SOX5: variants seen among roughly 807,000 people sequenced by gnomAD.
The protein encoded by SOX5 is transcription factor SOX-5.
In SOX5, 9 loss-of-function variants were observed where a neutral mutation model predicts 92.0. The ratio of observed to expected loss-of-function variants is 0.10; its 90% CI spans 0.06 to 0.17. The LOEUF is 0.17. SOX5 is among the 10% of genes least tolerant of loss of function. The pLI is 1.00. For synonymous variants in SOX5, 344 were observed against 336.3 expected (o/e 1.02, Z -0.25); for missense variants, 642 against 944.5 (o/e 0.68, Z 4.20).
chr12:24,141,710 T>C (rs1354611761), intron 4 of SOX5, among the ~76,000 whole-genome samples: 2 of 127,410 alleles, frequency 1.6e-5, no homozygotes, highest in African/African-American at 2.5e-5. Flanking sequence ...TGGTTTATTA[T>C]TTATACAAGT....
rs1027722878 is a variant in SOX5, at chr12:24,430,408, TAAG to T, written c.-250-61772_-250-61770del. 5.3e-5 allele frequency among the ~76,000 whole-genome samples: 8 copies of T among 152,116 alleles called. 1 individual carries two copies. The highest frequency in any genetic ancestry group is 1.9e-4 in the African/African-American group (8 of 41,538). On this transcript the variant is annotated intron_variant, in intron 1 of 4. Transcript: ENST00000446891. Reference sequence around the variant, plus strand: ...AATTTAACCATGACAAAATTATATTTAAGAAGATTCTAAATGTATATTTATGAT... The same window carrying T: ...AATTTAACCATGACAAAATTATATTTAAGATTCTAAATGTATATTTATGAT...
intron 7 of SOX5, among the ~76,000 whole-genome samples, chr12:23,642,863 G>A (rs1225633861): frequency 9.0e-6 from 1 of 111,332 alleles, no homozygotes; most frequent in African/African-American, 2.7e-5. Context: ...CGAGGCGGGC[G>A]GATCACGAGG....
intron 4 of SOX5, among the ~76,000 whole-genome samples, chr12:24,076,362 C>T (rs988142511): frequency 1.3e-5 from 2 of 152,138 alleles, no homozygotes; most frequent in Non-Finnish European, 2.9e-5. Flanking sequence ...TACTTACTCT[C>T]TATTATCTAT....
intron 3 of SOX5, among the ~76,000 whole-genome samples, chr12:24,228,857 T>C (rs1962703991): frequency 1.3e-5 from 2 of 152,214 alleles, no homozygotes; most frequent in African/African-American, 2.4e-5. Flanking sequence ...ACCAGCTTAT[T>C]TGGTGCCTCT....
At chr12:24,211,029 T>C (rs1049203880) in intron 4 of SOX5, among the ~76,000 whole-genome samples, 1 of 152,198 alleles carries the variant, frequency 6.6e-6, no homozygotes, top group African/African-American at 2.4e-5. Context: ...TACCAGGCTG[T>C]AAATGATGAA....
intron 4 of SOX5, among the ~76,000 whole-genome samples, chr12:24,015,642 T>C (rs1953503733): frequency 6.6e-6 from 1 of 152,166 alleles, no homozygotes; most frequent in South Asian, 2.1e-4. Flanking sequence ...CGGGAGCCAA[T>C]GCCAGTGGGG....
intron 1 of SOX5, among the ~76,000 whole-genome samples, chr12:24,509,142 T>C (rs74554265): frequency 0.016 from 2,410 of 152,326 alleles, 32 homozygotes; most frequent in Middle Eastern, 0.034. Context: ...GAGCATGTCA[T>C]TTAACCTTTC....
At chr12:23,975,934 T>C (rs898645858) in intron 4 of SOX5, among the ~76,000 whole-genome samples, 9 of 152,318 alleles carry the variant, frequency 5.9e-5, no homozygotes, top group African/African-American at 2.2e-4. Flanking sequence ...ATAATTAGTA[T>C]ATTTCTTCTA....
intron 1 of SOX5, among the ~76,000 whole-genome samples, chr12:24,519,948 A>G (rs1950122412): frequency 6.6e-6 from 1 of 152,198 alleles, no homozygotes; most frequent in Admixed American, 6.5e-5. Context: ...GACTTGTCAC[A>G]TATAAGGGGC....
intron 3 of SOX5, among the ~76,000 whole-genome samples, chr12:23,843,487 A>C (rs1017106680): frequency 1.3e-5 from 2 of 151,916 alleles, no homozygotes; most frequent in African/African-American, 4.8e-5. Flanking sequence ...TAAAAAAAAT[A>C]AAGTGAATGT....
At chr12:24,135,989 C>A (rs951459365) in intron 4 of SOX5, among the ~76,000 whole-genome samples, 1 of 152,118 alleles carries the variant, frequency 6.6e-6, no homozygotes, top group Admixed American at 6.6e-5. Context: ...TCCATCAGTG[C>A]TATACTTTAG....
chr12:23,843,128 C>T (rs2096537289), intron 3 of SOX5, among the ~76,000 whole-genome samples: 2 of 152,060 alleles, frequency 1.3e-5, no homozygotes, highest in Non-Finnish European at 2.9e-5. Flanking sequence ...AGAGAGATAT[C>T]CTGCAATATA....
At chr12:24,556,012 G>A (rs12298629) in intron 1 of SOX5, among the ~76,000 whole-genome samples, 33,765 of 152,100 alleles carry the variant, frequency 0.22, 4,143 homozygotes, top group African/African-American at 0.32. Flanking sequence ...TTCAAGATAG[G>A]TGACTCTTCC....
At chr12:24,492,677 A>G (rs539618169) in intron 1 of SOX5, among the ~76,000 whole-genome samples, 17 of 152,270 alleles carry the variant, frequency 1.1e-4, no homozygotes, top group Non-Finnish European at 2.1e-4. Context: ...CAATGTTACC[A>G]TGCCTGAATT....
At chr12:23,963,770 A>AAAG (rs1947235303) in intron 4 of SOX5, among the ~76,000 whole-genome samples, 1 of 151,348 alleles carries the variant, frequency 6.6e-6, no homozygotes, top group Non-Finnish European at 1.5e-5. Context: ...TGAAGTAAAA[A>AAAG]AAAAAAAAAA....
intron 1 of SOX5, among the ~76,000 whole-genome samples, chr12:24,387,110 C>T (rs2136436916): frequency 6.6e-6 from 1 of 152,272 alleles, no homozygotes; most frequent in Non-Finnish European, 1.5e-5. Context: ...GTAGAAGTAC[C>T]AATTTTAGAA....
chr12:23,557,880 G>A (rs1179379087), intron 11 of SOX5, among the ~76,000 whole-genome samples: 2 of 151,530 alleles, frequency 1.3e-5, no homozygotes, highest in African/African-American at 4.9e-5. Context: ...CGAGGGTGAG[G>A]CAGAGGAATC....
At chr12:24,356,330 G>A (rs1286536715) in intron 2 of SOX5, among the ~76,000 whole-genome samples, 3 of 152,152 alleles carry the variant, frequency 2.0e-5, no homozygotes, top group African/African-American at 7.2e-5. Context: ...GATGAATATA[G>A]TGAGTTATTT....
At chr12:24,261,872 C>T (rs1163425353) in intron 3 of SOX5, among the ~76,000 whole-genome samples, 1 of 152,118 alleles carries the variant, frequency 6.6e-6, no homozygotes, top group Non-Finnish European at 1.5e-5. Context: ...GCCTGTGAAA[C>T]CTCTTCTGTT....
Sources: gnomAD v4.1 joint callset for allele counts (sites outside exome capture counted in the v4.1 genomes callset) on GRCh38, gnomAD v4.1.1 for gene constraint, MANE v1.5 for transcripts, NCBI Gene and HGNC (gene_info 2026-07-23, HGNC 2026-07-21) for gene names.